Variants in EYS observed in about 807,000 individuals in gnomAD.
EYS encodes the protein protein eyes shut homolog.
Under a neutral mutation model 282.1 loss-of-function variants are expected in EYS, and 250 were observed. That is an observed-to-expected ratio of 0.89 (90% CI 0.80 to 0.98). The LOEUF is 0.98. Ranked by LOEUF, EYS falls within the 50% of genes least tolerant of loss-of-function variation. The pLI is 0.00. For synonymous variants in EYS, 1,355 were observed against 1,282.9 expected (o/e 1.06, Z -1.20); for missense variants, 4,016 against 3,709.0 (o/e 1.08, Z -2.15).
At chr6:64,305,457 G>T (rs980566525) in intron 30 of EYS, among the ~76,000 whole-genome samples, 2 of 152,056 alleles carry the variant, frequency 1.3e-5, no homozygotes, top group Non-Finnish European at 2.9e-5. Flanking sequence ...AAGACTGGTG[G>T]TCTCACACTT....
chr6:64,626,184 G>A lies in EYS; in HGVS notation c.3505C>T (p.Pro1169Ser), dbSNP rs772235402. ...EININECSSS[P>S]CLHGADCEDH... ...TCACAGTCTGCACCATGTAGACATG[G>A]TGATGAAGAGCATTCATTTATATTA... Residue 1169 changes from proline (P) to serine (S), a missense_variant, in exon 23 of 43, where the codon CCA becomes TCA. Pro to Ser is a moderately conservative substitution (Grantham distance 74, BLOSUM62 -1). Coordinates refer to ENST00000503581, the MANE Select transcript of EYS (RefSeq NM_001142800.2). 1 of 1,541,910 alleles carries A rather than the reference G, an allele frequency of 6.5e-7. No individual in the cohort carries two copies. The highest frequency in any genetic ancestry group is 8.7e-7 in the Non-Finnish European group (1 of 1,144,326).
chr6:65,392,560 C>A (rs1374337131), intron 7 of EYS, among the ~76,000 whole-genome samples: 2 of 152,158 alleles, frequency 1.3e-5, no homozygotes, highest in Admixed American at 1.3e-4. Flanking sequence ...AGGCAAAAGA[C>A]ACATGAAAAA....
intron 12 of EYS, among the ~76,000 whole-genome samples, chr6:65,063,574 G>A (rs1773644284): frequency 1.3e-5 from 2 of 152,090 alleles, no homozygotes; most frequent in Middle Eastern, 3.4e-3. Context: ...ATGGCCAAAA[G>A]GTGTCTGATC....
chr6:65,017,197 TA>T (rs1269204352), intron 13 of EYS, among the ~76,000 whole-genome samples: 12 of 152,282 alleles, frequency 7.9e-5, no homozygotes, highest in African/African-American at 2.9e-4. Context: ...ACATAACCTT[TA>T]GAAATAATAT....
chr6:63,804,563 A>C (rs886134049), intron 37 of EYS, among the ~76,000 whole-genome samples: 2 of 152,176 alleles, frequency 1.3e-5, no homozygotes, highest in Non-Finnish European at 2.9e-5. Context: ...AAAAGCATGC[A>C]CCAAACCTCT....
At chr6:64,352,126 A>G (rs1200360661) in intron 29 of EYS, among the ~76,000 whole-genome samples, 1 of 151,562 alleles carries the variant, frequency 6.6e-6, no homozygotes, top group Admixed American at 6.6e-5. Context: ...TAATCTTTCA[A>G]TAAGCAAAAA....
At chr6:65,625,329 C>T (rs1378066548) in intron 2 of EYS, among the ~76,000 whole-genome samples, 1 of 152,178 alleles carries the variant, frequency 6.6e-6, no homozygotes, top group African/African-American at 2.4e-5. Flanking sequence ...CAAATTCTGA[C>T]CTCTTGAAAC....
chr6:65,681,075 A>T (rs1768795278), intron 1 of EYS, among the ~76,000 whole-genome samples: 1 of 151,132 alleles, frequency 6.6e-6, no homozygotes, highest in Admixed American at 6.6e-5. Context: ...ACTTATTAGC[A>T]TATTAGAAGA....
intron 8 of EYS, among the ~76,000 whole-genome samples, chr6:65,361,690 A>T (rs1329647386): frequency 2.0e-5 from 3 of 151,968 alleles, no homozygotes; most frequent in African/African-American, 7.2e-5. Flanking sequence ...TATGTTGCTC[A>T]GGTTGGTCTC....
intron 12 of EYS, among the ~76,000 whole-genome samples, chr6:65,062,190 C>G (rs1773596967): frequency 6.6e-6 from 1 of 151,906 alleles, no homozygotes. Context: ...GTTGACAACA[C>G]CACTTGGACA....
intron 12 of EYS, among the ~76,000 whole-genome samples, chr6:65,210,318 C>G (rs1766142294): frequency 6.6e-6 from 1 of 152,020 alleles, no homozygotes; most frequent in Non-Finnish European, 1.5e-5. Context: ...TACATGGGAA[C>G]TTTCCCATTG....
intron 36 of EYS, among the ~76,000 whole-genome samples, chr6:63,830,518 G>GA (rs893246447): frequency 6.6e-6 from 1 of 152,168 alleles, no homozygotes; most frequent in East Asian, 1.9e-4. Context: ...GAAGTTTAGA[G>GA]AAAAAAGAGT....
intron 1 of EYS, among the ~76,000 whole-genome samples, chr6:65,695,528 G>A (rs895490713): frequency 4.0e-5 from 6 of 151,884 alleles, no homozygotes; most frequent in Non-Finnish European, 8.8e-5. Context: ...GTTTTCAGTG[G>A]GAAAATAGGA....
intron 35 of EYS, among the ~76,000 whole-genome samples, chr6:63,949,166 G>GAAAAGA (rs1280764175): frequency 2.6e-5 from 4 of 152,270 alleles, no homozygotes; most frequent in African/African-American, 9.6e-5. Context: ...GGTAGACATA[G>GAAAAGA]TTCTGTTAGA....
At chr6:65,352,181 T>G (rs1764304233) in intron 9 of EYS, among the ~76,000 whole-genome samples, 1 of 151,862 alleles carries the variant, frequency 6.6e-6, no homozygotes. Flanking sequence ...ATGAGCATGG[T>G]GAAATAAATT....
At chr6:64,704,325 A>T (rs1045254228) in intron 22 of EYS, among the ~76,000 whole-genome samples, 1 of 103,136 alleles carries the variant, frequency 9.7e-6, no homozygotes, top group African/African-American at 3.8e-5. Flanking sequence ...ACTATATATA[A>T]ATATATATAC....
chr6:64,641,781 G>T (rs1313670246), intron 22 of EYS, among the ~76,000 whole-genome samples: 1 of 152,086 alleles, frequency 6.6e-6, no homozygotes, highest in South Asian at 2.1e-4. Context: ...GTCTCCTGTC[G>T]CACCAGCAGC....
chr6:63,983,558 TA>T (rs1767208847), intron 35 of EYS, among the ~76,000 whole-genome samples: 1 of 151,858 alleles, frequency 6.6e-6, no homozygotes, highest in African/African-American at 2.4e-5. Context: ...TAGAGATGTT[TA>T]TTTTTATGGA....
chr6:64,015,951 G>A (rs1768870626), intron 33 of EYS, among the ~76,000 whole-genome samples: 1 of 152,186 alleles, frequency 6.6e-6, no homozygotes, highest in African/African-American at 2.4e-5. Context: ...GGAAAGTAAG[G>A]AATTCTGAGT....
Sources: gnomAD v4.1 joint callset for allele counts (sites outside exome capture counted in the v4.1 genomes callset) on GRCh38, gnomAD v4.1.1 for gene constraint, MANE v1.5 for transcripts, NCBI Gene and HGNC (gene_info 2026-07-23, HGNC 2026-07-21) for gene names.